Variants in COL4A3 observed in about 807,000 individuals in gnomAD.
COL4A3 encodes collagen type IV alpha 3 chain.
In COL4A3, 135 loss-of-function variants were observed where a neutral mutation model predicts 217.4. The ratio of observed to expected loss-of-function variants is 0.62; its 90% CI spans 0.54 to 0.72. The LOEUF (loss-of-function observed/expected upper bound fraction) is 0.72. Among genes scored for constraint, COL4A3 ranks in the 30% least tolerant of loss-of-function variants. The probability of loss-of-function intolerance (pLI) is 0.00; values close to 1 mark genes in which losing one functional copy is unlikely to be tolerated. For synonymous variants in COL4A3, 690 were observed against 736.3 expected, an observed-to-expected ratio of 0.94 and a Z score of 1.02; for missense variants, 1,868 against 2,119.9, an observed-to-expected ratio of 0.88 and a Z score of 2.33.
chr2:227,174,394 C>A (rs1162962182), intron 1 of COL4A3, among the ~76,000 whole-genome samples: 1 of 152,186 alleles, frequency 6.6e-6, no homozygotes, highest in Non-Finnish European at 1.5e-5. Context: ...CCAAAAAGGT[C>A]TCTCTTTTTC....
chr2:227,164,854 CCCT>C lies in COL4A3; in HGVS notation c.87+47_87+49del. 2 of 1,466,860 alleles carry C rather than the reference CCCT, an allele frequency of 1.4e-6. No homozygotes were observed. Among genetic ancestry groups the C allele is most frequent in the South Asian group, 1.3e-5 (1 of 74,722 alleles). 90.9% of individuals were successfully genotyped at this position (1,466,860 alleles called of 1,614,324 possible). A position where few individuals can be genotyped will look rare whatever the true frequency, so the allele number is the denominator to read the frequency against. On this transcript the variant is annotated intron_variant, in intron 1 of 51. Coordinates refer to ENST00000396578, the MANE Select transcript of COL4A3 (RefSeq NM_000091.5). This position sits in a 1 kb window ranked among gnomAD's most constrained non-coding sequence, Gnocchi z 4.8. The stretch of plus-strand genomic sequence containing the variant: ...GCGACCCCCACCCCCGCACTTCCAT[CCCT>C]CCTCCACGCGTCCGGGGGACGCGCT...
At chr2:227,181,658 T>C (rs1044762888) in intron 1 of COL4A3, among the ~76,000 whole-genome samples, 1 of 152,212 alleles carries the variant, frequency 6.6e-6, no homozygotes, top group African/African-American at 2.4e-5. Context: ...GTATTACGTA[T>C]CCGGCTTTTT....
At position 227,298,662 on chromosome 2, in the gene COL4A3, C is replaced by T. The variant is rs1574825222; in HGVS notation, c.3752-20C>T. The T allele has an allele frequency of 6.2e-7, 1 of 1,613,458 alleles. No homozygotes were observed. The highest frequency in any genetic ancestry group is 2.2e-5 in the East Asian group (1 of 44,848). On this transcript the variant is annotated intron_variant, in intron 42 of 51. Transcript: ENST00000396578. ...CAAGCTCCCTGGCTGGCAATACTGA[C>T]AGACTTTTCATGAATTCAGGTGCGC...
rs920061910 is a variant in COL4A3 at position 227,297,700 on chromosome 2, G to A, written c.3592G>A (p.Gly1198Ser). ...AGCCAAAGGAGACAGGGGAGCCCCA[G>A]GTTTTCCTGGCCTCCCGGGCAGAAA... is the stretch of plus-strand genomic sequence containing the variant. Reference protein sequence around the residue: ...QGAKGDRGAPGFPGLPGRKGA... With the variant: ...QGAKGDRGAPSFPGLPGRKGA... The change falls in exon 42 of 52, where the codon GGT becomes AGT. Residue 1198 changes from glycine to serine, a missense_variant. By Grantham distance (56) the Gly-to-Ser change is moderately conservative (BLOSUM62 0). Coordinates refer to ENST00000396578, the MANE Select transcript of COL4A3 (RefSeq NM_000091.5). The A allele has an allele frequency of 2.5e-6, 4 of 1,609,036 alleles. No homozygotes were observed. The highest frequency in any genetic ancestry group is 3.4e-6 in the Non-Finnish European group (4 of 1,178,322).
chr2:227,203,054 T>C (rs1175564144), intron 1 of COL4A3, among the ~76,000 whole-genome samples: 1 of 27,394 alleles, frequency 3.7e-5, no homozygotes, highest in Non-Finnish European at 5.8e-5. Context: ...TGTATATATG[T>C]GTATATATAC....
intron 28 of COL4A3, among the ~76,000 whole-genome samples, chr2:227,278,746 G>A (rs951769523): frequency 6.6e-6 from 1 of 152,152 alleles, no homozygotes; most frequent in African/African-American, 2.4e-5. Context: ...ACTGTTGACT[G>A]TGGGAACCAG....
chr2:227,265,578 G>A (rs2070835028), intron 21 of COL4A3: 2 of 152,206 alleles, frequency 1.3e-5, no homozygotes, highest in South Asian at 4.1e-4. Context: ...CTGCTTTAAG[G>A]ATGACAACTC....
At position 227,284,334 on chromosome 2, in the gene COL4A3, C is replaced by G. The variant is rs1343220469; in HGVS notation, c.2870C>G (p.Pro957Arg). The part of the protein sequence containing the change: ...ISHVIGDKGE[P>R]GLKGFAGNPG... ...CACGTAATAGGGGACAAAGGAGAAC[C>G]AGGTCTCAAAGGTAAAGAATTGCTT... Residue 957 changes from proline to arginine, a missense_variant, in exon 34 of 52, where the codon CCA (proline) becomes CGA (arginine). By Grantham distance (103) the Pro-to-Arg change is moderately radical. Coordinates refer to ENST00000396578, the MANE Select transcript of COL4A3 (RefSeq NM_000091.5). 1 of 1,613,602 alleles carries G rather than the reference C, an allele frequency of 6.2e-7. No individual in the cohort carries two copies. The highest frequency in any genetic ancestry group is 8.5e-7 in the Non-Finnish European group (1 of 1,179,920).
chr2:227,166,126 T>C (rs1273764709), intron 1 of COL4A3, among the ~76,000 whole-genome samples: 3 of 152,266 alleles, frequency 2.0e-5, no homozygotes, highest in South Asian at 4.1e-4. Context: ...TTTCACAATA[T>C]GCCAAAGTTA....
At chr2:227,240,673 A>G (rs1332571089) in intron 3 of COL4A3, among the ~76,000 whole-genome samples, 1 of 152,176 alleles carries the variant, frequency 6.6e-6, no homozygotes, top group Non-Finnish European at 1.5e-5. Flanking sequence ...TAAACATGCA[A>G]ATATTTTCCA....
At position 227,253,400 on chromosome 2, in the gene COL4A3, T is replaced by C. The variant is rs778119040; in HGVS notation, c.687+63T>C. ...TTTTATGTCCCAGAGCATATCAGCCTATACCGTTTACTTACGGGCCAAGCT... is the reference window on the plus strand; with the variant it reads ...TTTTATGTCCCAGAGCATATCAGCCCATACCGTTTACTTACGGGCCAAGCT... On this transcript the variant is annotated intron_variant, in intron 12 of 51. Coordinates refer to ENST00000396578, the MANE Select transcript of COL4A3 (RefSeq NM_000091.5). This position sits in a 1 kb window ranked among gnomAD's most constrained non-coding sequence, Gnocchi z 4.4. 1.3e-6 allele frequency: 2 copies of C among 1,563,568 alleles called. No individual in the cohort carries two copies. Among genetic ancestry groups the C allele is most frequent in the East Asian group, 2.2e-5 (1 of 44,636 alleles).
chr2:227,237,999 T>A lies in COL4A3; in HGVS notation c.119T>A (p.Phe40Tyr). 1 of 1,610,852 alleles carries A rather than the reference T, an allele frequency of 6.2e-7. No individual in the cohort carries two copies. The highest frequency in any genetic ancestry group is 1.1e-5 in the South Asian group (1 of 91,048). Residue 40 changes from phenylalanine (F) to tyrosine (Y), a missense_variant, in exon 2 of 52, where the codon TTC becomes TAC. Physicochemically the swap from Phe to Tyr is conservative, Grantham distance 22. This residue lies in a region of COL4A3 where 365 missense variants were observed against 333.8 expected (regional missense o/e 1.09). Transcript: ENST00000396578. ...GTCTGTAAAGACAAAGGCCAGTGCT[T>A]CTGTGACGGGGCCAAAGGGGAGAAG... The part of the protein sequence containing the change: ...GCVCKDKGQC[F>Y]CDGAKGEKGE...
intron 43 of COL4A3, 66 bp downstream of exon 43, chr2:227,298,878 G>A: frequency 7.2e-7 from 1 of 1,385,670 alleles, no homozygotes; most frequent in East Asian, 2.5e-5. Context: ...TTCTTATATT[G>A]TATATTATAT....
intron 47 of COL4A3, chr2:227,305,662 CAAAA>C (rs60985480): frequency 1.8e-3 from 256 of 138,970 alleles, no homozygotes; most frequent in South Asian, 2.5e-3. Context: ...GACTCTGTCT[CAAAA>C]AAAAAAAAAA....
At chr2:227,303,333 A>G (rs891632844) in intron 44 of COL4A3, among the ~76,000 whole-genome samples, 1 of 152,194 alleles carries the variant, frequency 6.6e-6, no homozygotes, top group Non-Finnish European at 1.5e-5. Context: ...TTTGTGTAAA[A>G]GACTGTGATT....
chr2:227,208,854 A>C (rs2067204637), intron 1 of COL4A3, among the ~76,000 whole-genome samples: 1 of 146,810 alleles, frequency 6.8e-6, no homozygotes, highest in South Asian at 2.2e-4. Flanking sequence ...AGGAGCAAAA[A>C]ACAAAGAAAG....
intron 1 of COL4A3, among the ~76,000 whole-genome samples, chr2:227,200,394 T>C (rs2066639870): frequency 6.6e-6 from 1 of 152,352 alleles, no homozygotes; most frequent in African/African-American, 2.4e-5. Flanking sequence ...GTTTCAACTC[T>C]TGATTGTTCA....
At chr2:227,225,992 G>T (rs186459452) in intron 1 of COL4A3, among the ~76,000 whole-genome samples, 206 of 152,124 alleles carry the variant, frequency 1.4e-3, no homozygotes, top group Non-Finnish European at 6.6e-4. Context: ...GATTACAGTC[G>T]TGAGCCACCA....
At chr2:227,268,139 T>A (rs999423809) in intron 23 of COL4A3, among the ~76,000 whole-genome samples, 2 of 152,250 alleles carry the variant, frequency 1.3e-5, no homozygotes, top group African/African-American at 4.8e-5. Context: ...TTATGTATCA[T>A]TGACCATTGA....
Sources: allele counts gnomAD v4.1 joint callset (sites outside exome capture counted in the v4.1 genomes callset), GRCh38; gene constraint gnomAD v4.1.1; regional missense constraint gnomAD v4.1.1; non-coding constraint Gnocchi (gnomAD v3.1); transcripts MANE v1.5; gene names NCBI Gene and HGNC (gene_info 2026-07-23, HGNC 2026-07-21).